DPYD: variants seen among roughly 807,000 people sequenced by gnomAD.
DPYD encodes the protein dihydropyrimidine dehydrogenase.
A neutral mutation model predicts 116.2 loss-of-function variants in DPYD; 109 were observed. The ratio of observed to expected loss-of-function variants is 0.94; its 90% CI spans 0.80 to 1.10. The LOEUF (loss-of-function observed/expected upper bound fraction) is 1.10, where lower values mean the gene tolerates loss of function less well. Among genes scored for constraint, DPYD ranks in the 50% least tolerant of loss-of-function variants. The pLI, the probability that DPYD is intolerant of heterozygous loss-of-function variation, is 0.00. For missense variants in DPYD, 1,302 were observed against 1,254.5 expected (o/e 1.04, Z -0.57); for synonymous variants, 440 against 432.0 (o/e 1.02, Z -0.23).
At chr1:97,115,351 A>G (rs1179040020) in intron 20 of DPYD, among the ~76,000 whole-genome samples, 1 of 152,220 alleles carries the variant, frequency 6.6e-6, no homozygotes, top group Non-Finnish European at 1.5e-5. Flanking sequence ...TGTCATCAAC[A>G]TGGATTCTGA....
At chr1:97,242,027 T>C (rs1662368735) in intron 18 of DPYD, among the ~76,000 whole-genome samples, 1 of 149,132 alleles carries the variant, frequency 6.7e-6, no homozygotes, top group African/African-American at 2.4e-5. Context: ...AAATTATGAA[T>C]ATTCATAGCT....
chr1:97,106,529 C>T (rs1006284287), intron 20 of DPYD, among the ~76,000 whole-genome samples: 15 of 152,150 alleles, frequency 9.9e-5, no homozygotes, highest in Non-Finnish European at 7.4e-5. Flanking sequence ...TCCATCTTCG[C>T]ATGCTCTTGG....
intron 19 of DPYD, among the ~76,000 whole-genome samples, chr1:97,200,704 A>G (rs1269822769): frequency 3.9e-5 from 6 of 152,226 alleles, no homozygotes; most frequent in Admixed American, 6.6e-5. Flanking sequence ...TAGTTTTCAA[A>G]GCATGGTGAC....
intron 8 of DPYD, among the ~76,000 whole-genome samples, chr1:97,637,433 T>C (rs1465497447): frequency 6.6e-6 from 1 of 152,024 alleles, no homozygotes; most frequent in East Asian, 1.9e-4. Context: ...CTTCTGATAA[T>C]ATCTTTTGGC....
chr1:97,650,499 T>C (rs1658519248), intron 8 of DPYD, among the ~76,000 whole-genome samples: 1 of 152,166 alleles, frequency 6.6e-6, no homozygotes, highest in Admixed American at 6.6e-5. Flanking sequence ...CGCACACAAT[T>C]TGAAATTTTC....
At chr1:97,610,618 G>C (rs1040025219) in intron 8 of DPYD, among the ~76,000 whole-genome samples, 13 of 151,974 alleles carry the variant, frequency 8.6e-5, no homozygotes, top group East Asian at 5.8e-4. Context: ...GGGTTAAAAA[G>C]CAAAGCTATC....
chr1:97,555,153 T>C (rs1651599896), intron 11 of DPYD, among the ~76,000 whole-genome samples: 1 of 152,080 alleles, frequency 6.6e-6, no homozygotes, highest in South Asian at 2.1e-4. Context: ...TGAATGGCAT[T>C]AATTTTGATC....
intron 18 of DPYD, among the ~76,000 whole-genome samples, chr1:97,261,853 T>C (rs1348014728): frequency 6.6e-6 from 1 of 152,040 alleles, no homozygotes; most frequent in Admixed American, 6.6e-5. Flanking sequence ...TCCGTAAGTT[T>C]TTTTCATCAT....
intron 13 of DPYD, among the ~76,000 whole-genome samples, chr1:97,460,432 T>C (rs1676951785): frequency 6.6e-6 from 1 of 152,114 alleles, no homozygotes; most frequent in Non-Finnish European, 1.5e-5. Flanking sequence ...CATTTCAGAT[T>C]GGAGATACTG....
intron 5 of DPYD, among the ~76,000 whole-genome samples, chr1:97,706,754 A>G (rs1661979551): frequency 6.6e-6 from 1 of 152,046 alleles, no homozygotes; most frequent in Admixed American, 6.6e-5. Flanking sequence ...TAGTTTATTT[A>G]TGCATCCACT....
intron 11 of DPYD, among the ~76,000 whole-genome samples, chr1:97,557,059 G>C (rs1359131427): frequency 1.3e-5 from 2 of 151,766 alleles, no homozygotes; most frequent in Non-Finnish European, 2.9e-5. Flanking sequence ...TAACTGGTGT[G>C]AGGTGGTATC....
chr1:97,365,314 G>T (rs75242832), intron 16 of DPYD, among the ~76,000 whole-genome samples: 8,322 of 152,164 alleles, frequency 0.055, 325 homozygotes, highest in East Asian at 0.17. Flanking sequence ...CAATCTTGGT[G>T]TCCCACCTTG....
At chr1:97,517,386 G>A (rs988214111) in intron 12 of DPYD, among the ~76,000 whole-genome samples, 1 of 152,092 alleles carries the variant, frequency 6.6e-6, no homozygotes, top group African/African-American at 2.4e-5. Flanking sequence ...GTGTGTGTAT[G>A]TATATCTGTC....
At chr1:97,262,764 T>A (rs1169521976) in intron 18 of DPYD, among the ~76,000 whole-genome samples, 1 of 152,024 alleles carries the variant, frequency 6.6e-6, no homozygotes, top group African/African-American at 2.4e-5. Context: ...GAAGATAATA[T>A]CAGACTTAGG....
chr1:97,162,419 A>C (rs1019801994), intron 20 of DPYD, among the ~76,000 whole-genome samples: 1 of 152,186 alleles, frequency 6.6e-6, no homozygotes, highest in Non-Finnish European at 1.5e-5. Context: ...AATCCAACTT[A>C]CAAGGGACGT....
chr1:97,171,189 C>T (rs763558792), intron 20 of DPYD, among the ~76,000 whole-genome samples: 2 of 152,052 alleles, frequency 1.3e-5, no homozygotes, highest in African/African-American at 2.4e-5. Context: ...AACGGAAGGT[C>T]CATGGTAAGG....
intron 3 of DPYD, among the ~76,000 whole-genome samples, chr1:97,793,420 A>C (rs1052754471): frequency 1.3e-5 from 2 of 152,220 alleles, no homozygotes; most frequent in African/African-American, 2.4e-5. Flanking sequence ...ACTTATAAAA[A>C]GGAAAACTAA....
At chr1:97,824,036 C>T (rs1669105853) in intron 3 of DPYD, among the ~76,000 whole-genome samples, 1 of 152,028 alleles carries the variant, frequency 6.6e-6, no homozygotes, top group South Asian at 2.1e-4. Context: ...TTATCAATTA[C>T]AGACACTATT....
intron 6 of DPYD, among the ~76,000 whole-genome samples, chr1:97,696,022 T>C (rs1178230603): frequency 1.3e-5 from 2 of 151,494 alleles, no homozygotes; most frequent in Non-Finnish European, 2.9e-5. Flanking sequence ...CCCAGCTACT[T>C]GGGAGGCGGA....
Sources: gnomAD v4.1 joint callset for allele counts (sites outside exome capture counted in the v4.1 genomes callset) on GRCh38, gnomAD v4.1.1 for gene constraint, MANE v1.5 for transcripts, NCBI Gene and HGNC (gene_info 2026-07-23, HGNC 2026-07-21) for gene names.